Variants in BAZ2A observed in about 807,000 individuals in gnomAD.
BAZ2A encodes the protein bromodomain adjacent to zinc finger domain protein 2A.
BAZ2A carries 34 observed loss-of-function variants against 199.9 expected under a neutral mutation model. The ratio of observed to expected loss-of-function variants is 0.17; its 90% confidence interval spans 0.13 to 0.23. The LOEUF (loss-of-function observed/expected upper bound fraction) is 0.23. Among genes scored for constraint, BAZ2A ranks in the 10% least tolerant of loss-of-function variants. BAZ2A has a pLI of 1.00. For synonymous variants in BAZ2A, 857 were observed against 883.9 expected (o/e 0.97, Z 0.54); for missense variants, 2,002 against 2,391.1 (o/e 0.84, Z 3.39).
upstream of BAZ2A, among the ~76,000 whole-genome samples, chr12:56,632,294 T>C (rs573628889): frequency 1.3e-5 from 2 of 152,264 alleles, no homozygotes; most frequent in African/African-American, 4.8e-5. Context: ...GGCATAAAAC[T>C]GAGGCCTCAA....
Position 56,596,792 on chromosome 12 carries a change from TAA to T in BAZ2A, c.*1824_*1825del, listed in dbSNP as rs1255559814. On this transcript the variant is annotated 3_prime_UTR_variant, in exon 29 of 29. Transcript: ENST00000549884. ...AGCAAAAAAAAATCTCAAATAAAAT[TAA>T]AAGTTTTGAGGTTTATCTGACAGAA... 8 of 152,416 alleles carry T rather than the reference TAA, an allele frequency of 5.2e-5. No homozygotes were observed. Among genetic ancestry groups the T allele is most frequent in the African/African-American group, 1.2e-4 (5 of 41,414 alleles). 9.4% of individuals were successfully genotyped at this position (152,416 alleles called of 1,614,324 possible). A position where few individuals can be genotyped will look rare whatever the true frequency, so the allele number is the denominator to read the frequency against.
chr12:56,599,674 T>C (rs1251037512), intron 26 of BAZ2A, 28 bp downstream of exon 26: 3 of 1,611,878 alleles, frequency 1.9e-6, no homozygotes, highest in Non-Finnish European at 2.5e-6. Context: ...TCTGTTTGAG[T>C]GTGGGAAAGA....
At chr12:56,606,174 C>CTGAT in intron 12 of BAZ2A, 73 bp downstream of exon 12, 1 of 1,602,332 alleles carries the variant, frequency 6.2e-7, no homozygotes, top group East Asian at 2.2e-5. Context: ...TAAAACAAGA[C>CTGAT]TGATGTACAT....
At chr12:56,634,136 C>T (rs115934325), upstream of BAZ2A, among the ~76,000 whole-genome samples, 372 of 152,260 alleles carry the variant, frequency 2.4e-3, no homozygotes, top group African/African-American at 8.7e-3. Context: ...TTAGAGAAAG[C>T]CCCTATTTCC....
chr12:56,611,330 G>A, intron 7 of BAZ2A: 1 of 568,094 alleles, frequency 1.8e-6, no homozygotes, highest in South Asian at 2.1e-5. Flanking sequence ...GGAGCTCCTT[G>A]GGCAAAATTG....
At position 56,603,598 on chromosome 12, in the gene BAZ2A, C is replaced by A; in HGVS notation, c.3141G>T (p.Glu1047Asp). The change falls in exon 17 of 29, where the codon GAG (glutamate) becomes GAT (aspartate). Residue 1047 changes from glutamate (E) to aspartate (D), a missense_variant. This residue lies in a region of BAZ2A where 1,081 missense variants were observed against 1,274.7 expected (regional missense o/e 0.85). Transcript: ENST00000549884. ...GRRRSSRIMEETSGMEEEEEE... is the reference protein window; with the variant it reads ...GRRRSSRIMEDTSGMEEEEEE... ...CTTCCTCTTCTTCCATGCCACTGGT[C>A]TCCTCCATGATCCGAGAACTGCGCC... 6.2e-7 allele frequency: 1 copy of A among 1,614,034 alleles called. No individual in the cohort carries two copies. Among genetic ancestry groups the A allele is most frequent in the Non-Finnish European group, 8.5e-7 (1 of 1,179,870 alleles).
intron 1 of BAZ2A, among the ~76,000 whole-genome samples, chr12:56,624,579 G>A (rs1371749422): frequency 6.8e-6 from 1 of 146,376 alleles, no homozygotes; most frequent in Non-Finnish European, 1.5e-5. Flanking sequence ...CTTATCCAAT[G>A]AAGGTCATGG....
chr12:56,618,247 T>C (rs556006509), intron 1 of BAZ2A, among the ~76,000 whole-genome samples: 1 of 152,302 alleles, frequency 6.6e-6, no homozygotes, highest in East Asian at 1.9e-4. Flanking sequence ...AATATTATTC[T>C]GTTATGTCTA....
At chr12:56,616,603 A>G (rs907722486) in intron 2 of BAZ2A, among the ~76,000 whole-genome samples, 1 of 152,198 alleles carries the variant, frequency 6.6e-6, no homozygotes, top group African/African-American at 2.4e-5. Context: ...CAATCAATCA[A>G]AAAGAACCAA....
In BAZ2A at chr12:56,617,570, G is replaced by A. The variant is rs537164799; in HGVS notation, c.-2-38C>T. The A allele has an allele frequency of 2.5e-5, 40 of 1,568,880 alleles. No individual in the cohort carries two copies. The South Asian group carries it at 2.7e-4, about 11-fold the overall frequency. ...AGAGAGAGGGAAAAAAAATACTGGC[G>A]GTTAAACAAGGTTATGTCACCTGGA... is the stretch of plus-strand genomic sequence containing the variant. On this transcript the variant is annotated intron_variant, in intron 1 of 28. Coordinates refer to ENST00000549884, the MANE Select transcript of BAZ2A (RefSeq NM_001300905.2).
chr12:56,625,037 C>G (rs1039057616), intron 1 of BAZ2A, among the ~76,000 whole-genome samples: 84 of 152,196 alleles, frequency 5.5e-4, no homozygotes, highest in African/African-American at 1.9e-3. Context: ...CATTTCCAGT[C>G]ACTTTACTCT....
At chr12:56,603,004 T>G in intron 18 of BAZ2A, 147 bp from the exon 19 acceptor site, 2 of 1,077,318 alleles carry the variant, frequency 1.9e-6, no homozygotes, top group South Asian at 3.3e-5. Flanking sequence ...GTGATTAAGT[T>G]TGGGAGCGGT....
At position 56,617,447 on chromosome 12, in the gene BAZ2A, C is replaced by G; in HGVS notation, c.84G>C (p.Gly28=). ...ASGLKPSPSS[G]EGLYTNGSPM... ...GAGACCCGTTAGTGTAGAGGCCCTC[C>G]CCTGAGGAAGGAGAGGGTTTCAGTC... is the stretch of plus-strand genomic sequence containing the variant. The change falls in exon 2 of 29, where the codon GGG becomes GGC. Residue 28 remains glycine, a synonymous_variant. Transcript: ENST00000549884. 6.2e-7 allele frequency: 1 copy of G among 1,606,958 alleles called. No homozygotes were observed. The highest frequency in any genetic ancestry group is 8.5e-7 in the Non-Finnish European group (1 of 1,176,766).
chr12:56,613,866 A>G (rs2137043838), intron 4 of BAZ2A, 87 bp downstream of exon 4: 1 of 1,409,960 alleles, frequency 7.1e-7, no homozygotes, highest in Non-Finnish European at 9.6e-7. Flanking sequence ...CTGATTGCCT[A>G]ATACTTTTCC....
At chr12:56,599,408 T>A (rs1402625355) in intron 26 of BAZ2A, 50 bp from the exon 27 acceptor site, 19 of 1,558,706 alleles carry the variant, frequency 1.2e-5, no homozygotes, top group Non-Finnish European at 1.6e-5. Context: ...ATGCACTGCT[T>A]GCCCTACTAC....
intron 1 of BAZ2A, among the ~76,000 whole-genome samples, chr12:56,628,446 G>T (rs1424080236): frequency 1.3e-5 from 2 of 152,054 alleles, no homozygotes; most frequent in Admixed American, 6.6e-5. Flanking sequence ...AATAAGAGGG[G>T]AGACGTTCTT....
chr12:56,623,652 C>T (rs1431717922), intron 1 of BAZ2A, among the ~76,000 whole-genome samples: 3 of 152,114 alleles, frequency 2.0e-5, no homozygotes, highest in East Asian at 3.8e-4. Flanking sequence ...GGCAATTCTG[C>T]CCCGTAGGGG....
At chr12:56,638,090 C>T, upstream of BAZ2A, 1 of 456,444 alleles carries the variant, frequency 2.2e-6, no homozygotes, top group Non-Finnish European at 3.9e-6. Flanking sequence ...GGCAACACAG[C>T]CAGACACCGT....
upstream of BAZ2A, among the ~76,000 whole-genome samples, chr12:56,633,137 G>T (rs1322221533): frequency 6.6e-6 from 1 of 152,106 alleles, no homozygotes; most frequent in Non-Finnish European, 1.5e-5. Context: ...ATTAGCACCT[G>T]CACCCCCTTT....
Sources: gnomAD v4.1 joint callset for allele counts (sites outside exome capture counted in the v4.1 genomes callset) on GRCh38, gnomAD v4.1.1 for gene constraint, gnomAD v4.1.1 regional missense constraint, MANE v1.5 for transcripts, NCBI Gene and HGNC (gene_info 2026-07-23, HGNC 2026-07-21) for gene names.